Variants in SOX5 observed in about 807,000 individuals in gnomAD.
The protein encoded by SOX5 is SRY-box transcription factor 5.
SOX5 carries 9 observed loss-of-function variants against 92.0 expected under a neutral mutation model. That is an observed-to-expected ratio of 0.10 (90% CI 0.06 to 0.17). SOX5 has a LOEUF of 0.17. SOX5 is among the 10% of genes least tolerant of loss of function. The pLI, the probability that SOX5 is intolerant of heterozygous loss-of-function variation, is 1.00. For missense variants in SOX5, 642 were observed against 944.5 expected, an observed-to-expected ratio of 0.68 and a Z score of 4.20; for synonymous variants, 344 against 336.3, an observed-to-expected ratio of 1.02 and a Z score of -0.25.
chr12:23,546,123 G>A (rs575575695), intron 12 of SOX5, among the ~76,000 whole-genome samples, 193 bp downstream of exon 12: 7 of 152,104 alleles, frequency 4.6e-5, no homozygotes, highest in Non-Finnish European at 1.0e-4. Context: ...GGTTGACTAG[G>A]AATTAAATGA....
chr12:24,549,595 A>G (rs190720402), intron 1 of SOX5, among the ~76,000 whole-genome samples: 1 of 152,350 alleles, frequency 6.6e-6, no homozygotes, highest in East Asian at 1.9e-4. Flanking sequence ...CTGTATGAGC[A>G]TTCTGAGAAG....
chr12:23,647,440 C>T (rs1158274837), intron 7 of SOX5, among the ~76,000 whole-genome samples: 1 of 152,178 alleles, frequency 6.6e-6, no homozygotes, highest in East Asian at 1.9e-4. Context: ...CAACTTAATT[C>T]ACCAGCTGCA....
intron 3 of SOX5, among the ~76,000 whole-genome samples, chr12:23,831,555 C>A (rs2096321133): frequency 6.6e-6 from 1 of 152,018 alleles, no homozygotes; most frequent in Non-Finnish European, 1.5e-5. Context: ...TTGAGGTCTG[C>A]CACCATACAT....
intron 1 of SOX5, among the ~76,000 whole-genome samples, chr12:24,410,953 G>A (rs1596379712): frequency 6.6e-6 from 1 of 152,166 alleles, no homozygotes; most frequent in East Asian, 1.9e-4. Context: ...GAACATGATA[G>A]AGCTATTTAT....
chr12:24,537,375 C>G (rs1001715511), intron 1 of SOX5, among the ~76,000 whole-genome samples: 1 of 152,134 alleles, frequency 6.6e-6, no homozygotes, highest in Non-Finnish European at 1.5e-5. Flanking sequence ...AGTCAGTGTT[C>G]CTCTTGCATT....
At chr12:23,995,908 A>C (rs1283573729) in intron 4 of SOX5, among the ~76,000 whole-genome samples, 2 of 152,196 alleles carry the variant, frequency 1.3e-5, no homozygotes, top group Admixed American at 1.3e-4. Context: ...TGAACTTTTC[A>C]ACCATAAAAG....
chr12:24,235,275 T>C (rs1251753329), intron 3 of SOX5, among the ~76,000 whole-genome samples: 1 of 152,220 alleles, frequency 6.6e-6, no homozygotes, highest in Non-Finnish European at 1.5e-5. Context: ...CATAGAGTAA[T>C]AAAATAATTT....
At chr12:23,815,462 C>T (rs1359657834) in intron 3 of SOX5, among the ~76,000 whole-genome samples, 2 of 152,120 alleles carry the variant, frequency 1.3e-5, no homozygotes, top group African/African-American at 4.8e-5. Context: ...AAACTGATAA[C>T]TGATAAGAGT....
chr12:24,006,079 T>C (rs901216615), intron 4 of SOX5, among the ~76,000 whole-genome samples: 1 of 152,180 alleles, frequency 6.6e-6, no homozygotes, highest in African/African-American at 2.4e-5. Context: ...TGTCAAAGGC[T>C]TTTGTAATAA....
At chr12:23,884,793 C>T (rs367633401) in intron 2 of SOX5, among the ~76,000 whole-genome samples, 1 of 152,154 alleles carries the variant, frequency 6.6e-6, no homozygotes, top group African/African-American at 2.4e-5. Context: ...AGTTGCTGAA[C>T]TCACTGGGTT....
chr12:24,459,854 C>T (rs1469112485), intron 1 of SOX5, among the ~76,000 whole-genome samples: 2 of 152,048 alleles, frequency 1.3e-5, no homozygotes, highest in Non-Finnish European at 2.9e-5. Context: ...AAATATATTT[C>T]AGGGAAACAT....
chr12:24,080,403 C>A (rs1447873982), intron 4 of SOX5, among the ~76,000 whole-genome samples: 1 of 151,966 alleles, frequency 6.6e-6, no homozygotes, highest in East Asian at 1.9e-4. Flanking sequence ...ATGTTATCTC[C>A]TACAATGATA....
chr12:23,937,483 G>T (rs1942827044), intron 1 of SOX5, among the ~76,000 whole-genome samples: 1 of 150,822 alleles, frequency 6.6e-6, no homozygotes, highest in Non-Finnish European at 1.5e-5. Context: ...CAGAACAAAT[G>T]GGAAAGCATT....
intron 4 of SOX5, among the ~76,000 whole-genome samples, chr12:24,183,440 T>C (rs1955707545): frequency 6.6e-6 from 1 of 152,200 alleles, no homozygotes; most frequent in African/African-American, 2.4e-5. Flanking sequence ...CATTTGCTAT[T>C]ATGTTGCCAG....
At chr12:24,014,805 T>A (rs988266617) in intron 4 of SOX5, among the ~76,000 whole-genome samples, 1 of 152,166 alleles carries the variant, frequency 6.6e-6, no homozygotes, top group Non-Finnish European at 1.5e-5. Context: ...AAATTCACAA[T>A]CTGGGGGCCT....
intron 4 of SOX5, among the ~76,000 whole-genome samples, chr12:24,142,339 G>A (rs1255690638): frequency 6.6e-6 from 1 of 152,028 alleles, no homozygotes; most frequent in Non-Finnish European, 1.5e-5. Flanking sequence ...GGAGACTTAG[G>A]GATTGTTTTC....
Position 23,534,033 on chromosome 12 carries a change from A to ATTTG in SOX5, c.*182_*185dup. On this transcript the variant is annotated 3_prime_UTR_variant, in exon 15 of 15. Coordinates refer to ENST00000451604, the MANE Select transcript of SOX5 (RefSeq NM_006940.6). ...GTTGATATTGTTGTTTGCTTGTTGT[A>ATTTG]TTTGTTTTTTCTTTCCAAGCCTTTT... 1.8e-6 allele frequency: 1 copy of ATTTG among 541,532 alleles called. No homozygotes were observed. Among genetic ancestry groups the ATTTG allele is most frequent in the Non-Finnish European group, 3.3e-6 (1 of 304,366 alleles). The allele number at this position is 541,532 out of a possible 1,614,324, so 33.5% of individuals were successfully genotyped here. A position where few individuals can be genotyped will look rare whatever the true frequency, so the allele number is the denominator to read the frequency against.
intron 4 of SOX5, among the ~76,000 whole-genome samples, chr12:24,090,940 G>T (rs903381787): frequency 6.6e-6 from 1 of 152,126 alleles, no homozygotes; most frequent in African/African-American, 2.4e-5. Context: ...AGTTGACAGA[G>T]AACTGTCGAC....
Position 24,000,559 on chromosome 12 carries a change from T to C in SOX5, c.-1-104535A>G, listed in dbSNP as rs573627823. On this transcript the variant is annotated intron_variant, in intron 4 of 4. Coordinates refer to the SOX5 transcript ENST00000446891. ...TAATAATTAACTGTGTTTGTGTATT[T>C]CAGTGTTTGTGTATAGTAAGTAAAG... Among the ~76,000 whole-genome samples, 11 of 152,258 alleles carry C rather than the reference T, an allele frequency of 7.2e-5. No individual in the cohort carries two copies. In the South Asian group the frequency reaches 2.3e-3, roughly 32 times the overall value.
Sources: gnomAD v4.1 joint callset for allele counts (sites outside exome capture counted in the v4.1 genomes callset) on GRCh38, gnomAD v4.1.1 for gene constraint, MANE v1.5 for transcripts, NCBI Gene and HGNC (gene_info 2026-07-23, HGNC 2026-07-21) for gene names.